PCDH15: variants seen among roughly 807,000 people sequenced by gnomAD.
PCDH15 encodes the protein protocadherin related 15.
PCDH15 carries 129 observed loss-of-function variants against 178.5 expected under a neutral mutation model. The ratio of observed to expected loss-of-function variants is 0.72; its 90% confidence interval spans 0.63 to 0.84. PCDH15 has a LOEUF of 0.84. Ranked by LOEUF, PCDH15 falls within the 40% of genes least tolerant of loss-of-function variation. PCDH15 has a pLI of 0.00. For missense variants in PCDH15, 2,230 were observed against 2,099.9 expected (o/e 1.06, Z -1.21); for synonymous variants, 800 against 732.0 (o/e 1.09, Z -1.50).
Position 54,105,277 on chromosome 10 carries a change from GATATATATATAT to G in PCDH15, c.1918-15226_1918-15215del, listed in dbSNP as rs55696020. 6.2e-3 allele frequency among the ~76,000 whole-genome samples: 558 copies of G among 90,460 alleles called. 8 individuals carry two copies. The highest frequency in any genetic ancestry group is 0.018 in the South Asian group (43 of 2,328). The allele number at this position is 90,460 out of a possible 152,430, so 59.3% of individuals were successfully genotyped here. A position where few individuals can be genotyped will look rare whatever the true frequency, so the allele number is the denominator to read the frequency against. On this transcript the variant is annotated intron_variant, in intron 15 of 37. Coordinates refer to ENST00000644397, the MANE Select transcript of PCDH15 (RefSeq NM_001384140.1). ...ATATAGATATAGACATATAGATGGA[GATATATATATAT>G]ATATATATATATATATATATATATA... is the stretch of plus-strand genomic sequence containing the variant.
intron 15 of PCDH15, among the ~76,000 whole-genome samples, chr10:54,095,101 GA>G (rs900739409): frequency 6.6e-6 from 1 of 152,124 alleles, no homozygotes; most frequent in African/African-American, 2.4e-5. Context: ...TGCCCTTAGG[GA>G]TTCTAAAATA....
chr10:54,672,914 G>A (rs2094702592), intron 1 of PCDH15, among the ~76,000 whole-genome samples: 1 of 151,910 alleles, frequency 6.6e-6, no homozygotes. Context: ...CTTTTAAGTA[G>A]GTGACAGATT....
At chr10:55,159,652 A>AC (rs1839007229) in intron 2 of PCDH15, among the ~76,000 whole-genome samples, 1 of 147,896 alleles carries the variant, frequency 6.8e-6, no homozygotes, top group African/African-American at 2.5e-5. Flanking sequence ...ATAAAGAGAT[A>AC]AAGAGATATA....
At chr10:54,822,046 T>C (rs190747035) in intron 3 of PCDH15, among the ~76,000 whole-genome samples, 36 of 152,282 alleles carry the variant, frequency 2.4e-4, no homozygotes, top group African/African-American at 7.7e-4. Context: ...ACATAATAGT[T>C]GTTTAGATTT....
chr10:55,022,076 T>C (rs1392454473), intron 2 of PCDH15, among the ~76,000 whole-genome samples: 2 of 152,080 alleles, frequency 1.3e-5, no homozygotes, highest in African/African-American at 4.8e-5. Context: ...TCAATGGATA[T>C]ATAAAGTTAG....
At chr10:54,791,556 T>G (rs549107127) in intron 1 of PCDH15, among the ~76,000 whole-genome samples, 2 of 152,042 alleles carry the variant, frequency 1.3e-5, no homozygotes, top group East Asian at 3.9e-4. Flanking sequence ...GTTATCTAAT[T>G]TGTATGCATT....
At chr10:55,453,245 A>T (rs771509431) in intron 2 of PCDH15, among the ~76,000 whole-genome samples, 45 of 152,124 alleles carry the variant, frequency 3.0e-4, no homozygotes, top group Non-Finnish European at 4.7e-4. Context: ...AAAATACAAG[A>T]TCATCAGCAA....
At chr10:54,754,925 A>T in intron 1 of PCDH15, among the ~76,000 whole-genome samples, 1 of 114,372 alleles carries the variant, frequency 8.7e-6, no homozygotes, top group Admixed American at 8.8e-5. Flanking sequence ...TGTTTTTCAC[A>T]CTTAGAGTTT....
intron 2 of PCDH15, among the ~76,000 whole-genome samples, chr10:55,023,419 ACACAACAT>A: frequency 6.6e-6 from 1 of 152,358 alleles, no homozygotes; most frequent in Non-Finnish European, 1.5e-5. Flanking sequence ...TAATTTTAAC[ACACAACAT>A]CTTTGAAAAA....
intron 2 of PCDH15, among the ~76,000 whole-genome samples, chr10:55,018,452 C>T (rs893052607): frequency 1.3e-5 from 2 of 152,048 alleles, no homozygotes; most frequent in South Asian, 2.1e-4. Context: ...AATTGTAATA[C>T]TGTATTCTTC....
intron 29 of PCDH15, among the ~76,000 whole-genome samples, chr10:53,837,245 GA>G (rs1170236423): frequency 2.6e-5 from 4 of 151,602 alleles, no homozygotes; most frequent in African/African-American, 7.3e-5. Context: ...AATAAAAAAA[GA>G]AAAAACTCAA....
intron 20 of PCDH15, among the ~76,000 whole-genome samples, chr10:54,009,298 A>C (rs149395707): frequency 3.3e-5 from 5 of 151,678 alleles, no homozygotes; most frequent in Non-Finnish European, 7.4e-5. Context: ...GGAATAATTA[A>C]GTATATAGAC....
chr10:54,861,091 A>C (rs1668463774), intron 3 of PCDH15, among the ~76,000 whole-genome samples: 1 of 152,136 alleles, frequency 6.6e-6, no homozygotes, highest in African/African-American at 2.4e-5. Flanking sequence ...AAATCATGAA[A>C]ATAACTGTCC....
chr10:55,600,561 T>C (rs1843054271), intron 2 of PCDH15, among the ~76,000 whole-genome samples: 2 of 152,146 alleles, frequency 1.3e-5, no homozygotes, highest in African/African-American at 4.8e-5. Context: ...GACCTTGATG[T>C]TGGATCGGGA....
chr10:54,627,272 G>T (rs946941415), intron 2 of PCDH15, among the ~76,000 whole-genome samples: 5 of 152,136 alleles, frequency 3.3e-5, no homozygotes, highest in Non-Finnish European at 5.9e-5. Flanking sequence ...GGAAATATGA[G>T]ATTTGGGAAG....
chr10:54,588,614 G>C lies in PCDH15; in HGVS notation c.92-60737C>G, dbSNP rs746759919. 3.6e-4 allele frequency among the ~76,000 whole-genome samples: 55 copies of C among 152,216 alleles called. 1 individual carries two copies. Among genetic ancestry groups the C allele is most frequent in the Admixed American group, 6.6e-4 (10 of 15,262 alleles). The stretch of plus-strand genomic sequence containing the variant: ...TTTTCTTGAGACAGGATCTCACTCT[G>C]TTGCCCAGCCTGGAGTGCAGTGGCA... On this transcript the variant is annotated intron_variant, in intron 2 of 37. Transcript: ENST00000644397.
intron 3 of PCDH15, among the ~76,000 whole-genome samples, chr10:54,425,008 T>TAAAAA (rs777958846): frequency 2.2e-4 from 24 of 107,474 alleles, no homozygotes; most frequent in Non-Finnish European, 2.5e-4. Flanking sequence ...TAAAGTATAA[T>TAAAAA]AAAAAAAAAA....
intron 2 of PCDH15, chr10:55,599,850 A>G: frequency 8.1e-7 from 1 of 1,241,274 alleles, no homozygotes; most frequent in Non-Finnish European, 1.1e-6. Context: ...GGTATCCTGA[A>G]CTTGCAAAGG....
chr10:54,201,920 G>A (rs1240458251), intron 10 of PCDH15, among the ~76,000 whole-genome samples: 2 of 152,052 alleles, frequency 1.3e-5, no homozygotes, highest in East Asian at 3.9e-4. Context: ...CTTATGAATG[G>A]GCCTCACCCA....
Sources: allele counts gnomAD v4.1 joint callset (sites outside exome capture counted in the v4.1 genomes callset), GRCh38; gene constraint gnomAD v4.1.1; transcripts MANE v1.5; gene names NCBI Gene and HGNC (gene_info 2026-07-23, HGNC 2026-07-21).